Variants in ENTPD5 observed in about 807,000 individuals in gnomAD.
The protein encoded by ENTPD5 is ectonucleoside triphosphate diphosphohydrolase 5 (inactive).
ENTPD5 carries 49 observed loss-of-function variants against 60.2 expected under a neutral mutation model. The ratio of observed to expected loss-of-function variants is 0.81; its 90% CI spans 0.65 to 1.03. ENTPD5 has a LOEUF of 1.03. Among genes scored for constraint, ENTPD5 ranks in the 50% least tolerant of loss-of-function variants. ENTPD5 has a pLI of 0.00. For missense variants in ENTPD5, 480 were observed against 507.6 expected, an observed-to-expected ratio of 0.95 and a Z score of 0.52; for synonymous variants, 187 against 185.4, an observed-to-expected ratio of 1.01 and a Z score of -0.07.
chr14:73,997,646 T>C (rs1218652564), intron 3 of ENTPD5, among the ~76,000 whole-genome samples: 1 of 152,178 alleles, frequency 6.6e-6, no homozygotes. Context: ...GTAGGTCTAA[T>C]AAGCTAAGTT....
chr14:73,997,734 C>T (rs575806428), intron 3 of ENTPD5, among the ~76,000 whole-genome samples: 5 of 152,302 alleles, frequency 3.3e-5, no homozygotes, highest in Admixed American at 6.5e-5. Flanking sequence ...AGCCCTGACA[C>T]ACCTTGCTAT....
chr14:74,016,059 T>C (rs143418231), intron 1 of ENTPD5, 129 bp from the exon 2 acceptor site: 3 of 152,330 alleles, frequency 2.0e-5, no homozygotes, highest in Non-Finnish European at 2.9e-5. Context: ...TGGAACTTCA[T>C]AGTAAAGGCA....
At chr14:73,972,486 T>G (rs2057270120) in intron 13 of ENTPD5, among the ~76,000 whole-genome samples, 4 of 152,212 alleles carry the variant, frequency 2.6e-5, no homozygotes, top group Admixed American at 2.6e-4. Flanking sequence ...ACATATACTT[T>G]CACAGTTAGG....
chr14:73,972,402 A>AAAC (rs1315957405), intron 13 of ENTPD5, among the ~76,000 whole-genome samples: 2 of 151,846 alleles, frequency 1.3e-5, no homozygotes, highest in Non-Finnish European at 2.9e-5. Context: ...CAAAAAACCA[A>AAAC]AACAACAACA....
chr14:74,005,285 A>T (rs2058639419), intron 3 of ENTPD5, among the ~76,000 whole-genome samples: 1 of 125,032 alleles, frequency 8.0e-6, no homozygotes, highest in African/African-American at 2.8e-5. Context: ...AAAAAAAGAA[A>T]AAAAGAAAAA....
intron 3 of ENTPD5, among the ~76,000 whole-genome samples, chr14:73,998,089 A>G (rs748076466): frequency 2.0e-5 from 3 of 152,042 alleles, no homozygotes; most frequent in Non-Finnish European, 2.9e-5. Context: ...ATGCCATTGG[A>G]GGTTATATGA....
Position 74,006,298 on chromosome 14 carries a change from T to TC in ENTPD5, c.-71+4792_-71+4793insG, listed in dbSNP as rs200758362. 9.7e-3 allele frequency among the ~76,000 whole-genome samples: 1,463 copies of TC among 151,438 alleles called. 13 individuals are homozygous for TC. Among genetic ancestry groups the TC allele is most frequent in the South Asian group, 0.025 (119 of 4,776 alleles). On this transcript the variant is annotated intron_variant, in intron 3 of 15. Coordinates refer to ENST00000334696, the MANE Select transcript of ENTPD5 (RefSeq NM_001249.5). ...CCTCGCCAAGCCTTTTTTTTTTTTT[T>TC]TTTGAGACGGAGTCTCGCTCTGCTG...
downstream of ENTPD5, chr14:73,956,038 C>G: frequency 6.6e-7 from 1 of 1,523,414 alleles, no homozygotes; most frequent in Middle Eastern, 1.9e-4. Flanking sequence ...AAGAAATCCT[C>G]TGATGGCCGG....
At chr14:73,973,502 A>G (rs1468784431) in intron 12 of ENTPD5, among the ~76,000 whole-genome samples, 1 of 152,150 alleles carries the variant, frequency 6.6e-6, no homozygotes, top group African/African-American at 2.4e-5. Context: ...TATGCTTCTT[A>G]ATTAATTTGT....
At chr14:73,974,597 C>T (rs1434991794) in intron 11 of ENTPD5, among the ~76,000 whole-genome samples, 2 of 152,152 alleles carry the variant, frequency 1.3e-5, no homozygotes, top group African/African-American at 4.8e-5. Flanking sequence ...CCTGTGCCTC[C>T]AATGTAAAGC....
At chr14:73,970,645 A>G (rs2057183518) in intron 14 of ENTPD5, among the ~76,000 whole-genome samples, 1 of 152,126 alleles carries the variant, frequency 6.6e-6, no homozygotes, top group Non-Finnish European at 1.5e-5. Context: ...TTATCTATTC[A>G]CATTTACATG....
rs990245354 is a variant in ENTPD5 at position 73,963,380 on chromosome 14, G to C, written c.*3548C>G. Reference sequence around the variant, plus strand: ...TACAGTTGTTTTTTGATAGAGGTAAGAATTAGACTCGATGCATTTTTGTTA... The same window carrying C: ...TACAGTTGTTTTTTGATAGAGGTAACAATTAGACTCGATGCATTTTTGTTA... On this transcript the variant is annotated 3_prime_UTR_variant, in exon 16 of 16. Transcript: ENST00000334696. 6.2e-5 allele frequency: 21 copies of C among 336,338 alleles called. No homozygotes were observed. The highest frequency in any genetic ancestry group is 3.1e-4 in the Admixed American group (7 of 22,374). 20.8% of individuals were successfully genotyped at this position (336,338 alleles called of 1,614,324 possible).
At chr14:74,017,471 C>A (rs2059058438) in intron 1 of ENTPD5, among the ~76,000 whole-genome samples, 1 of 146,434 alleles carries the variant, frequency 6.8e-6, no homozygotes, top group Non-Finnish European at 1.5e-5. Flanking sequence ...CCCAGCTACT[C>A]GGGAGGCTGA....
chr14:74,000,771 C>G lies in ENTPD5; in HGVS notation c.-71+10320G>C, dbSNP rs182587155. 6.6e-4 allele frequency among the ~76,000 whole-genome samples: 100 copies of G among 152,162 alleles called. 1 individual carries two copies. The highest frequency in any genetic ancestry group is 2.4e-3 in the African/African-American group (98 of 41,486). ...CCAGCCTGGGCAACAGAGCAAGAAC[C>G]TGTCTCAAAACAACAACAAAAAAAA... On this transcript the variant is annotated intron_variant, in intron 3 of 15. Transcript: ENST00000334696.
chr14:73,981,118 A>G (rs914212284), intron 6 of ENTPD5, among the ~76,000 whole-genome samples: 12 of 151,830 alleles, frequency 7.9e-5, no homozygotes, highest in African/African-American at 2.7e-4. Context: ...AAATAAATAA[A>G]TAAATAAATA....
At chr14:74,000,329 C>T (rs1231628861) in intron 3 of ENTPD5, among the ~76,000 whole-genome samples, 1 of 151,798 alleles carries the variant, frequency 6.6e-6, no homozygotes. Context: ...TGGTGGAATG[C>T]ACCTGTAGTC....
At chr14:73,962,935 G>A (rs2056818957), downstream of ENTPD5, 2 of 1,538,092 alleles carry the variant, frequency 1.3e-6, no homozygotes, top group South Asian at 1.1e-5. Context: ...ACCTTACTGT[G>A]TTAAGAGTTT....
intron 3 of ENTPD5, among the ~76,000 whole-genome samples, chr14:73,993,927 A>AAC (rs892830017): frequency 2.9e-4 from 36 of 123,636 alleles, no homozygotes; most frequent in African/African-American, 9.2e-4. Flanking sequence ...AAAACAAACA[A>AAC]AAAAAAACAA....
chr14:73,970,009 C>G lies in ENTPD5; in HGVS notation c.1200+1G>C. 1.9e-6 allele frequency: 3 copies of G among 1,607,580 alleles called. No homozygotes were observed. Among genetic ancestry groups the G allele is most frequent in the Middle Eastern group, 1.7e-4 (1 of 6,048 alleles). ...TGAGACTCTGGTGTCCTGTCTCTTA[C>G]CTGTAAGACTGTGCTGTCTGCAAAG... On this transcript the variant is annotated splice_donor_variant, in intron 15 of 15. Coordinates refer to ENST00000334696, the MANE Select transcript of ENTPD5 (RefSeq NM_001249.5). LOFTEE classifies it high-confidence loss of function.
Sources: allele counts gnomAD v4.1 joint callset (sites outside exome capture counted in the v4.1 genomes callset), GRCh38; gene constraint gnomAD v4.1.1; transcripts MANE v1.5; gene names NCBI Gene and HGNC (gene_info 2026-07-23, HGNC 2026-07-21).